ADCY9: variants seen among roughly 807,000 people sequenced by gnomAD.
ADCY9 encodes the protein adenylate cyclase 9, also known as adenylate cyclase type 9.
ADCY9 carries 50 observed loss-of-function variants against 101.5 expected under a neutral mutation model. That is an observed-to-expected ratio of 0.49 (90% CI 0.39 to 0.62). ADCY9 has a LOEUF of 0.62. ADCY9 is among the 20% of genes least tolerant of loss of function. The pLI is 0.00. For missense variants in ADCY9, 1,662 were observed against 1,800.4 expected, an observed-to-expected ratio of 0.92 and a Z score of 1.39; for synonymous variants, 905 against 769.3, an observed-to-expected ratio of 1.18 and a Z score of -2.92.
At chr16:4,033,681 C>T (rs2056571511) in intron 2 of ADCY9, among the ~76,000 whole-genome samples, 1 of 152,168 alleles carries the variant, frequency 6.6e-6, no homozygotes, top group East Asian at 1.9e-4. Context: ...TCCCAAAGTG[C>T]TGGGATTACA....
At chr16:4,002,335 A>G (rs893268206) in intron 3 of ADCY9, among the ~76,000 whole-genome samples, 2 of 152,240 alleles carry the variant, frequency 1.3e-5, no homozygotes, top group African/African-American at 2.4e-5. Context: ...GCCTACTCAT[A>G]ATGACTTGAC....
intron 2 of ADCY9, among the ~76,000 whole-genome samples, chr16:4,055,112 G>A (rs1410025391): frequency 6.6e-6 from 1 of 152,212 alleles, no homozygotes; most frequent in Non-Finnish European, 1.5e-5. Flanking sequence ...AGGCAGAGGA[G>A]GTGGGAGTAC....
Position 3,966,105 on chromosome 16 carries a change from C to T in ADCY9, c.3732G>A (p.Lys1244=), listed in dbSNP as rs1446372879. The T allele has an allele frequency of 1.4e-5, 23 of 1,614,110 alleles. No homozygotes were observed. The highest frequency in any genetic ancestry group is 1.9e-5 in the Non-Finnish European group (23 of 1,180,048). The change falls in exon 11 of 11, where the codon AAG becomes AAA. Residue 1244 remains lysine (K), a synonymous_variant. Transcript: ENST00000294016. ...GTGGGATGACCCTGTGATCCGTGCACTTTGGGTACAGGTAGGTCTTCATCT... is the reference window on the plus strand; with the variant it reads ...GTGGGATGACCCTGTGATCCGTGCATTTTGGGTACAGGTAGGTCTTCATCT... The part of the protein sequence containing the change: ...KGQMKTYLYP[K]CTDHRVIPQH...
chr16:4,043,170 G>T (rs1229074287), intron 2 of ADCY9, among the ~76,000 whole-genome samples: 1 of 152,172 alleles, frequency 6.6e-6, no homozygotes, highest in East Asian at 1.9e-4. Flanking sequence ...GGCGGAGCTT[G>T]CAGTGAGCCC....
chr16:3,955,482 C>A (rs2055902034), intron 5 of ADCY9, among the ~76,000 whole-genome samples: 1 of 152,224 alleles, frequency 6.6e-6, no homozygotes, highest in Non-Finnish European at 1.5e-5. Context: ...AAAACCCAGT[C>A]TCCAGGCATC....
intron 2 of ADCY9, among the ~76,000 whole-genome samples, chr16:4,074,786 G>C (rs1392847840): frequency 6.6e-6 from 1 of 151,628 alleles, no homozygotes; most frequent in African/African-American, 2.4e-5. Context: ...AGTGATCGAG[G>C]GGAAAAAAAA....
downstream of ADCY9, chr16:3,962,533 A>G (rs2055946373): frequency 6.6e-6 from 1 of 152,200 alleles, no homozygotes; most frequent in Non-Finnish European, 1.5e-5. Flanking sequence ...GACGTGAAAG[A>G]AAGGCAAACC....
chr16:3,993,700 G>T (rs2531977), intron 3 of ADCY9, among the ~76,000 whole-genome samples, 190 bp from the exon 4 acceptor site: 3 of 151,948 alleles, frequency 2.0e-5, no homozygotes, highest in Non-Finnish European at 2.9e-5. Context: ...CAGAAACCCG[G>T]GCACGAACGC....
intron 10 of ADCY9, among the ~76,000 whole-genome samples, chr16:3,969,587 T>C (rs1406820573): frequency 1.2e-5 from 1 of 84,090 alleles, no homozygotes; most frequent in Non-Finnish European, 2.2e-5. Context: ...TATATATATA[T>C]ATATATATAT....
At chr16:4,079,568 CA>C (rs2056889106) in intron 2 of ADCY9, among the ~76,000 whole-genome samples, 1 of 150,660 alleles carries the variant, frequency 6.6e-6, no homozygotes, top group African/African-American at 2.4e-5. Flanking sequence ...GACTCTGTCT[CA>C]AAAAAATAAA....
intron 2 of ADCY9, among the ~76,000 whole-genome samples, chr16:4,024,645 C>T (rs890927860): frequency 6.6e-6 from 1 of 152,112 alleles, no homozygotes; most frequent in African/African-American, 2.4e-5. Flanking sequence ...GGGCTCACTC[C>T]TGGCCTTTTG....
chr16:4,028,093 G>T (rs72762788), intron 2 of ADCY9, among the ~76,000 whole-genome samples: 3 of 152,146 alleles, frequency 2.0e-5, no homozygotes, highest in Non-Finnish European at 4.4e-5. Flanking sequence ...AAAGATTTTT[G>T]GGGGGTGATT....
intron 10 of ADCY9, among the ~76,000 whole-genome samples, chr16:3,969,258 T>C (rs1484878934): frequency 6.6e-6 from 1 of 151,922 alleles, no homozygotes; most frequent in Non-Finnish European, 1.5e-5. Context: ...TTTTCTTTTT[T>C]CTTTTTTGAG....
chr16:4,080,714 T>C (rs766866495), intron 2 of ADCY9, among the ~76,000 whole-genome samples: 20 of 79,278 alleles, frequency 2.5e-4, no homozygotes, highest in Admixed American at 1.3e-4. Context: ...GAAACATTTT[T>C]TTCGTTTTTT....
intron 2 of ADCY9, among the ~76,000 whole-genome samples, chr16:4,098,715 A>G (rs1051075171): frequency 1.3e-5 from 2 of 152,120 alleles, no homozygotes; most frequent in Non-Finnish European, 2.9e-5. Flanking sequence ...TCAAATACAT[A>G]TGATGCAAGA....
intron 9 of ADCY9, among the ~76,000 whole-genome samples, chr16:3,976,946 C>T (rs1206864761): frequency 1.3e-5 from 2 of 152,368 alleles, no homozygotes; most frequent in East Asian, 3.9e-4. Context: ...GCATGAGCCA[C>T]TGTGCCCAGC....
intron 2 of ADCY9, among the ~76,000 whole-genome samples, chr16:4,097,629 C>CAATCTCAGCAACT (rs2057016989): frequency 7.0e-6 from 1 of 143,452 alleles, no homozygotes; most frequent in Non-Finnish European, 1.5e-5. Context: ...TCTCAGCAAC[C>CAATCTCAGCAACT]TCCATCTCCT....
chr16:3,967,089 C>G (rs1453982350), intron 10 of ADCY9, 123 bp from the exon 11 acceptor site: 1 of 748,984 alleles, frequency 1.3e-6, no homozygotes, highest in Non-Finnish European at 2.2e-6. Flanking sequence ...AGCTGTCAAG[C>G]TGCCCATTCC....
chr16:4,066,468 G>A lies in ADCY9; in HGVS notation c.1693+47282C>T, dbSNP rs187943086. Among the ~76,000 whole-genome samples, 15 of 152,164 alleles carry A rather than the reference G, an allele frequency of 9.9e-5. No individual in the cohort carries two copies. The East Asian group carries it at 2.7e-3, about 27-fold the overall frequency. On this transcript the variant is annotated intron_variant, in intron 2 of 10. Transcript: ENST00000294016. ...GGGGCACGATCAGGGCTCACTGCAG[G>A]CTCCACCTCTCAGGTTCAAACAATC...
Sources: allele counts gnomAD v4.1 joint callset (sites outside exome capture counted in the v4.1 genomes callset), GRCh38; gene constraint gnomAD v4.1.1; transcripts MANE v1.5; gene names NCBI Gene and HGNC (gene_info 2026-07-23, HGNC 2026-07-21).